Variants in SENP6 observed in about 807,000 individuals in gnomAD.
The protein encoded by SENP6 is SUMO specific peptidase 6.
A neutral mutation model predicts 134.5 loss-of-function variants in SENP6; 41 were observed. That is an observed-to-expected ratio of 0.30 (90% CI 0.24 to 0.40). The LOEUF (loss-of-function observed/expected upper bound fraction) is 0.40. SENP6 is among the 10% of genes least tolerant of loss of function. The pLI is 1.00. For synonymous variants in SENP6, 395 were observed against 429.8 expected, an observed-to-expected ratio of 0.92 and a Z score of 1.00; for missense variants, 1,248 against 1,312.5, an observed-to-expected ratio of 0.95 and a Z score of 0.76.
intron 3 of SENP6, among the ~76,000 whole-genome samples, chr6:75,624,835 T>A (rs1259777556): frequency 6.6e-6 from 1 of 151,950 alleles, no homozygotes; most frequent in African/African-American, 2.4e-5. Flanking sequence ...TTTAATTATT[T>A]AAAAAAAATG....
chr6:75,704,232 C>T (rs752853868), intron 19 of SENP6, among the ~76,000 whole-genome samples: 25 of 152,242 alleles, frequency 1.6e-4, no homozygotes, highest in Admixed American at 3.3e-4. Context: ...GCCCCGTCAC[C>T]GGTCTTTGAG....
chr6:75,666,203 A>G (rs985831376), intron 9 of SENP6, among the ~76,000 whole-genome samples: 1 of 145,806 alleles, frequency 6.9e-6, no homozygotes, highest in Non-Finnish European at 1.5e-5. Context: ...AAACGTATAT[A>G]TGATATATAT....
intron 8 of SENP6, among the ~76,000 whole-genome samples, chr6:75,659,863 C>T (rs979226715): frequency 2.0e-5 from 3 of 152,058 alleles, no homozygotes; most frequent in African/African-American, 7.2e-5. Flanking sequence ...AAGCATGATG[C>T]CCATTTACCA....
At chr6:75,704,734 A>G (rs2149901668) in intron 19 of SENP6, among the ~76,000 whole-genome samples, 1 of 152,196 alleles carries the variant, frequency 6.6e-6, no homozygotes, top group East Asian at 1.9e-4. Context: ...ATGGGGAGAA[A>G]CCTTGGACAA....
At chr6:75,609,937 A>G (rs886797375) in intron 1 of SENP6, among the ~76,000 whole-genome samples, 4 of 152,038 alleles carry the variant, frequency 2.6e-5, no homozygotes, top group African/African-American at 9.7e-5. Flanking sequence ...ACAGGCGCAT[A>G]CCACCATGCC....
Position 75,709,540 on chromosome 6 carries a change from A to T in SENP6, c.2730A>T (p.Lys910Asn), listed in dbSNP as rs748054072. 12 of 1,613,482 alleles carry T rather than the reference A, an allele frequency of 7.4e-6. No individual in the cohort carries two copies. The highest frequency in any genetic ancestry group is 1.7e-5 in the Admixed American group (1 of 60,010). ...SSTHHTDGLS[K>N]IRLNYSDESP... ...TTATTGATACAGATGGCTTAAGCAA[A>T]ATCAGACTAAACTATAGCGATGAAT... is the stretch of plus-strand genomic sequence containing the variant. Residue 910 changes from lysine (K) to asparagine (N), a missense_variant, in exon 20 of 24, where the codon AAA (lysine) becomes AAT (asparagine). Lys to Asn is a moderately conservative substitution (Grantham distance 94). Around this residue, in one of 3 missense-constraint regions of SENP6, gnomAD observed 386 missense variants for 395.0 expected, o/e 0.98. Coordinates refer to ENST00000447266, the MANE Select transcript of SENP6 (RefSeq NM_015571.4).
intron 3 of SENP6, among the ~76,000 whole-genome samples, chr6:75,628,760 A>T (rs957525145): frequency 6.6e-6 from 1 of 152,186 alleles, no homozygotes; most frequent in Non-Finnish European, 1.5e-5. Flanking sequence ...CACTCTGTCT[A>T]CCAGGCTGGA....
intron 1 of SENP6, among the ~76,000 whole-genome samples, chr6:75,617,776 G>C (rs1767973894): frequency 6.6e-6 from 1 of 152,110 alleles, no homozygotes; most frequent in African/African-American, 2.4e-5. Context: ...GTCCAATCCA[G>C]GACTTTGGAT....
chr6:75,622,838 T>C, intron 2 of SENP6: 4 of 1,285,966 alleles, frequency 3.1e-6, no homozygotes, highest in Non-Finnish European at 4.1e-6. Flanking sequence ...GAAGTTTTAT[T>C]TGAAGGAGAG....
chr6:75,611,579 G>C (rs1767453735), intron 1 of SENP6: 1 of 152,138 alleles, frequency 6.6e-6, no homozygotes, highest in African/African-American at 2.4e-5. Flanking sequence ...ACACTTTGAT[G>C]ATCCTCTCAC....
intron 18 of SENP6, among the ~76,000 whole-genome samples, chr6:75,701,606 T>C (rs1047206515): frequency 6.9e-6 from 1 of 145,536 alleles, no homozygotes; most frequent in African/African-American, 2.5e-5. Flanking sequence ...TCATATGACC[T>C]AATTAGACTG....
At chr6:75,610,455 T>C (rs977415841) in intron 1 of SENP6, among the ~76,000 whole-genome samples, 5 of 152,178 alleles carry the variant, frequency 3.3e-5, no homozygotes, top group African/African-American at 1.2e-4. Flanking sequence ...CATCATCAGG[T>C]AATAAAACAA....
intron 11 of SENP6, among the ~76,000 whole-genome samples, chr6:75,671,607 A>G (rs1772682179): frequency 6.6e-6 from 1 of 152,170 alleles, no homozygotes; most frequent in Non-Finnish European, 1.5e-5. Context: ...CTGTAGTCCC[A>G]GCTGCTCGGG....
In SENP6 at chr6:75,615,106, G is replaced by C. The variant is rs142775585; in HGVS notation, c.53-6426G>C. Among the ~76,000 whole-genome samples the C allele has an allele frequency of 6.6e-4, 101 of 152,178 alleles. 1 individual carries two copies. Among genetic ancestry groups the C allele is most frequent in the Non-Finnish European group, 4.1e-4 (28 of 68,018 alleles). The stretch of plus-strand genomic sequence containing the variant: ...GGGTTTCACCATGTTGGCCAAGCTG[G>C]TCTTGAATGCCTGACCTCAAGTGAT... On this transcript the variant is annotated intron_variant, in intron 1 of 23. Coordinates refer to ENST00000447266, the MANE Select transcript of SENP6 (RefSeq NM_015571.4).
At chr6:75,676,178 C>T in intron 13 of SENP6, 124 bp downstream of exon 13, 1 of 528,694 alleles carries the variant, frequency 1.9e-6, no homozygotes. Flanking sequence ...ACAATTGTCA[C>T]AGCCACCTTG....
intron 10 of SENP6, among the ~76,000 whole-genome samples, chr6:75,668,282 G>A (rs775072): frequency 0.8 from 122,336 of 152,066 alleles, 49,659 homozygotes; most frequent in Non-Finnish European, 0.86. Flanking sequence ...ACGAGCAAAA[G>A]TAGTAAATGA....
At chr6:75,691,509 A>G (rs564466852) in intron 16 of SENP6, among the ~76,000 whole-genome samples, 13 of 152,320 alleles carry the variant, frequency 8.5e-5, no homozygotes, top group African/African-American at 2.4e-4. Context: ...TAAATGATGT[A>G]TGCACTTAGA....
In SENP6 at chr6:75,705,924, C is replaced by CTTTTTTTTTTTTTTTTTTT. The variant is rs1562073188; in HGVS notation, c.2716+2852_2716+2853insTTTTTTTTTTTTTTTTTTT. 8.7e-3 allele frequency among the ~76,000 whole-genome samples: 775 copies of CTTTTTTTTTTTTTTTTTTT among 89,258 alleles called. 227 individuals carry two copies. The highest frequency in any genetic ancestry group is 0.014 in the Middle Eastern group (2 of 140). 58.6% of individuals were successfully genotyped at this position (89,258 alleles called of 152,430 possible). A position where few individuals can be genotyped will look rare whatever the true frequency, so the allele number is the denominator to read the frequency against. ...AGTGAGTTAGAAAGCTATTTTTGAGCCTTTTTTTTTTTTTTTTTTTTTTTT... is the reference window on the plus strand; with the variant it reads ...AGTGAGTTAGAAAGCTATTTTTGAGCTTTTTTTTTTTTTTTTTTTCTTTTTTTTTTTTTTTTTTTTTTTT... On this transcript the variant is annotated intron_variant, in intron 19 of 23. Transcript: ENST00000447266.
intron 1 of SENP6, chr6:75,611,040 T>C (rs1359239833): frequency 1.3e-5 from 2 of 152,220 alleles, no homozygotes; most frequent in African/African-American, 2.4e-5. Context: ...TTAAACTGTT[T>C]AGTAACCTTG....
Sources: allele counts gnomAD v4.1 joint callset (sites outside exome capture counted in the v4.1 genomes callset), GRCh38; gene constraint gnomAD v4.1.1; regional missense constraint gnomAD v4.1.1; transcripts MANE v1.5; gene names NCBI Gene and HGNC (gene_info 2026-07-23, HGNC 2026-07-21).